Variants in PCDHA1 observed in about 807,000 individuals in gnomAD.
PCDHA1 encodes protocadherin alpha 1, also known as protocadherin alpha-1.
PCDHA1 carries 42 observed loss-of-function variants against 61.3 expected under a neutral mutation model. That is an observed-to-expected ratio of 0.69 (90% CI 0.54 to 0.89). The LOEUF is 0.89. Among genes scored for constraint, PCDHA1 ranks in the 40% least tolerant of loss-of-function variants. PCDHA1 has a pLI of 0.00. For missense variants in PCDHA1, 1,256 were observed against 1,235.3 expected (o/e 1.02, Z -0.25); for synonymous variants, 610 against 553.8 (o/e 1.10, Z -1.43).
At position 140,795,615 on chromosome 5, in the gene PCDHA1, G is replaced by C. The variant is rs782606233; in HGVS notation, c.2394+6931G>C. 4.3e-6 allele frequency: 7 copies of C among 1,614,020 alleles called. No homozygotes were observed. The South Asian group carries it at 7.7e-5, about 18-fold the overall frequency. ...ATTTGTTACTGGTGGCTACTGATGG[G>C]GGCAAACCTGAGCTCACGGGCACCG... On this transcript the variant is annotated intron_variant, in intron 1 of 3. Coordinates refer to ENST00000504120, the MANE Select transcript of PCDHA1 (RefSeq NM_018900.4).
intron 3 of PCDHA1, among the ~76,000 whole-genome samples, chr5:140,996,427 G>A (rs1479947811): frequency 6.6e-6 from 1 of 152,176 alleles, no homozygotes; most frequent in Non-Finnish European, 1.5e-5. Context: ...GAAAACTTTG[G>A]GAATAGTCAG....
chr5:141,009,651 C>A lies in PCDHA1; in HGVS notation c.2567C>A (p.Pro856His). 1 of 1,613,950 alleles carries A rather than the reference C, an allele frequency of 6.2e-7. No individual in the cohort carries two copies. The highest frequency in any genetic ancestry group is 8.5e-7 in the Non-Finnish European group (1 of 1,179,936). Residue 856 changes from proline (P) to histidine (H), a missense_variant, in exon 4 of 4, where the codon CCT (proline) becomes CAT (histidine). By Grantham distance (77) the Pro-to-His change is moderately conservative. Coordinates refer to ENST00000504120, the MANE Select transcript of PCDHA1 (RefSeq NM_018900.4). Reference protein sequence around the residue: ...TPEPEAGEVSPPVGAGVNSNS... With the variant: ...TPEPEAGEVSHPVGAGVNSNS... ...GAACCAGAGGCAGGAGAAGTGTCCC[C>A]TCCAGTCGGTGCGGGTGTCAACAGC...
At chr5:140,829,824 G>T in intron 1 of PCDHA1, 2 of 1,613,914 alleles carry the variant, frequency 1.2e-6, no homozygotes, top group Non-Finnish European at 1.7e-6. Flanking sequence ...GGTGCAGTGA[G>T]CGAGCTGGTG....
At chr5:140,850,218 G>A (rs2150473987) in intron 1 of PCDHA1, 3 of 1,593,686 alleles carry the variant, frequency 1.9e-6, no homozygotes, top group African/African-American at 1.3e-5. Flanking sequence ...GGGCACTGAC[G>A]GCGCAGTGAG....
At chr5:140,883,519 C>T (rs1554178517) in intron 1 of PCDHA1, 12 of 1,614,190 alleles carry the variant, frequency 7.4e-6, no homozygotes, top group Non-Finnish European at 1.0e-5. Flanking sequence ...ACCGCGAGAG[C>T]GTATCAGCCT....
At chr5:140,842,073 T>C (rs2150328918) in intron 1 of PCDHA1, 1 of 1,613,862 alleles carries the variant, frequency 6.2e-7, no homozygotes, top group Non-Finnish European at 8.5e-7. Flanking sequence ...GAAGTAAGAA[T>C]ATTCGAAAAC....
At chr5:140,840,458 A>C (rs1178434181) in intron 1 of PCDHA1, among the ~76,000 whole-genome samples, 1 of 152,008 alleles carries the variant, frequency 6.6e-6, no homozygotes, top group Admixed American at 6.6e-5. Context: ...GTTAAATAAA[A>C]AGTTGGGGAA....
At chr5:140,835,822 G>A (rs2150245895) in intron 1 of PCDHA1, 5 of 1,612,688 alleles carry the variant, frequency 3.1e-6, no homozygotes, top group South Asian at 2.2e-5. Context: ...GTGTCGGCGG[G>A]GGACGCGGAC....
intron 1 of PCDHA1, chr5:140,829,720 G>C: frequency 6.2e-7 from 1 of 1,613,502 alleles, no homozygotes; most frequent in Non-Finnish European, 8.5e-7. Flanking sequence ...CGGGCGTGCC[G>C]CCTCTGGGCA....
intron 1 of PCDHA1, chr5:140,849,764 G>C (rs2041112931): frequency 6.3e-6 from 10 of 1,598,402 alleles, no homozygotes; most frequent in Non-Finnish European, 8.6e-6. Context: ...CCTACGAGCT[G>C]GTGGTTACCG....
chr5:140,929,995 C>A (rs543771321), intron 1 of PCDHA1: 1 of 152,108 alleles, frequency 6.6e-6, no homozygotes, highest in Admixed American at 6.5e-5. Context: ...GGAATGACAC[C>A]CTAAAACATA....
intron 1 of PCDHA1, chr5:140,868,982 A>T: frequency 6.7e-7 from 1 of 1,495,310 alleles, no homozygotes; most frequent in East Asian, 2.3e-5. Context: ...ATCATACCGG[A>T]TGCCACCGTT....
At chr5:140,932,755 GA>G (rs1554209056) in intron 1 of PCDHA1, among the ~76,000 whole-genome samples, 4 of 151,730 alleles carry the variant, frequency 2.6e-5, no homozygotes, top group Non-Finnish European at 5.9e-5. Context: ...AAAAAGGAAA[GA>G]AAAAGAACAT....
intron 3 of PCDHA1, among the ~76,000 whole-genome samples, chr5:140,985,739 CT>C (rs11372071): frequency 0.013 from 1,497 of 117,900 alleles, 11 homozygotes; most frequent in African/African-American, 0.038. Flanking sequence ...TGATGAATTC[CT>C]TTTTTTTTTT....
intron 1 of PCDHA1, chr5:140,804,944 C>T: frequency 8.0e-7 from 1 of 1,253,952 alleles, no homozygotes; most frequent in Non-Finnish European, 1.1e-6. Flanking sequence ...TTGTTGCTCC[C>T]TTGTCCATGA....
rs782787763 is a variant in PCDHA1, at chr5:140,795,881, G to A, written c.2394+7197G>A. ...ATCTCAGGGGAAATCAGAACTAAGG[G>A]AAAATTAGATTATGAAGAAGCAAAG... On this transcript the variant is annotated intron_variant, in intron 1 of 3. Transcript: ENST00000504120. 7.4e-6 allele frequency: 12 copies of A among 1,613,818 alleles called. No homozygotes were observed. The highest frequency in any genetic ancestry group is 6.7e-5 in the Admixed American group (4 of 59,994).
chr5:140,795,368 T>C (rs782409736), intron 1 of PCDHA1: 1 of 1,614,170 alleles, frequency 6.2e-7, no homozygotes, highest in South Asian at 1.1e-5. Context: ...ATATTTCCAA[T>C]GACAGTAAAG....
chr5:140,856,501 T>A, intron 1 of PCDHA1: 1 of 1,598,302 alleles, frequency 6.3e-7, no homozygotes, highest in Non-Finnish European at 8.6e-7. Flanking sequence ...ACTCTCGATT[T>A]CCACTAGAAG....
chr5:140,863,382 C>A, intron 1 of PCDHA1: 1 of 1,056,944 alleles, frequency 9.5e-7, no homozygotes. Context: ...TCACCGAGAG[C>A]TCGTGCATGC....
Sources: gnomAD v4.1 joint callset for allele counts (sites outside exome capture counted in the v4.1 genomes callset) on GRCh38, gnomAD v4.1.1 for gene constraint, MANE v1.5 for transcripts, NCBI Gene and HGNC (gene_info 2026-07-23, HGNC 2026-07-21) for gene names.